Variants in SYNE1 observed in about 807,000 individuals in gnomAD.
The protein encoded by SYNE1 is spectrin repeat containing nuclear envelope protein 1.
SYNE1 carries 616 observed loss-of-function variants against 1,111.0 expected under a neutral mutation model. The observed-to-expected ratio is 0.55, with a 90% CI of 0.52 to 0.59. SYNE1 has a LOEUF of 0.59. Ranked by LOEUF, SYNE1 falls within the 20% of genes least tolerant of loss-of-function variation. The probability of loss-of-function intolerance (pLI) is 0.00; values close to 1 mark genes in which losing one functional copy is unlikely to be tolerated. For synonymous variants in SYNE1, 3,855 were observed against 3,825.8 expected (o/e 1.01, Z -0.28); for missense variants, 10,006 against 10,417.0 (o/e 0.96, Z 1.72).
intron 14 of SYNE1, among the ~76,000 whole-genome samples, chr6:152,476,505 C>T (rs1222904598): frequency 6.6e-6 from 1 of 152,114 alleles, no homozygotes; most frequent in African/African-American, 2.4e-5. Context: ...GGTACCCTGG[C>T]TTCTGGTCTC....
At chr6:152,416,339 C>G (rs2098154217) in intron 41 of SYNE1, 48 bp downstream of exon 41, 2 of 1,608,988 alleles carry the variant, frequency 1.2e-6, no homozygotes, top group East Asian at 2.2e-5. Context: ...AATTCCAGAA[C>G]AAATACAAAA....
intron 70 of SYNE1, 73 bp downstream of exon 70, chr6:152,351,954 G>T: frequency 7.0e-7 from 1 of 1,432,140 alleles, no homozygotes; most frequent in East Asian, 2.3e-5. Context: ...GTGACACCCA[G>T]CAAGAATCAC....
intron 6 of SYNE1, among the ~76,000 whole-genome samples, chr6:152,516,745 ATTTGTTTG>A (rs200401178): frequency 3.3e-5 from 5 of 151,688 alleles, no homozygotes; most frequent in Admixed American, 2.6e-4. Flanking sequence ...CATCTGGCTA[ATTTGTTTG>A]TTTGTTTGTT....
Position 152,362,267 on chromosome 6 carries a change from A to G in SYNE1, c.10202T>C (p.Phe3401Ser). Residue 3401 changes from phenylalanine to serine, a missense_variant, in exon 64 of 146, where the codon TTC becomes TCC. Phe to Ser is a radical substitution (Grantham distance 155, BLOSUM62 -2). Coordinates refer to ENST00000367255, the MANE Select transcript of SYNE1 (RefSeq NM_182961.4). The part of the protein sequence containing the change: ...WTSYQDGVRQ[F>S]SGWMDSMEAN... ...TTCCATACTATCCATCCAACCGGAG[A>G]ACTGTCGAACGCCATCCTGATAACT... 2 of 1,614,178 alleles carry G rather than the reference A, an allele frequency of 1.2e-6. No individual in the cohort carries two copies. Among genetic ancestry groups the G allele is most frequent in the Non-Finnish European group, 1.7e-6 (2 of 1,180,042 alleles).
Position 152,151,962 on chromosome 6 carries a change from G to C in SYNE1, c.24309C>G (p.Leu8103=), listed in dbSNP as rs148683298. The change falls in exon 134 of 146, where the codon CTC becomes CTG. Residue 8103 remains leucine (L), a synonymous_variant. Coordinates refer to ENST00000367255, the MANE Select transcript of SYNE1 (RefSeq NM_182961.4). ...QKRVTSILRR[L]KHFIGQREEF... is the part of the protein sequence containing the mutation. ...ACAGATGAGGCATAGCAAAAACCTT[G>C]AGTCTGCGCAAGATGGAGGTGACAC... 6 of 1,614,024 alleles carry C rather than the reference G, an allele frequency of 3.7e-6. No individual in the cohort carries two copies. The African/African-American group carries it at 8.0e-5, about 22-fold the overall frequency.
chr6:152,220,711 G>T, intron 119 of SYNE1, 131 bp downstream of exon 119: 1 of 832,682 alleles, frequency 1.2e-6, no homozygotes, highest in Non-Finnish European at 2.1e-6. Flanking sequence ...CAGGCTCTTT[G>T]ATCCTAAGAC....
Position 152,315,430 on chromosome 6 carries a change from G to A in SYNE1, c.16710+1419C>T, listed in dbSNP as rs1434251847. The A allele has an allele frequency of 2.6e-5, 4 of 152,246 alleles. No individual in the cohort carries two copies. The Middle Eastern group carries it at 0.01, about 388-fold the overall frequency. The allele number at this position is 152,246 out of a possible 1,614,324, so 9.4% of individuals were successfully genotyped here. ...TTGGCCAAGCTGGTCTTGAACTCCT[G>A]ACCTTGTGATCCACCCACCTCGGCC... On this transcript the variant is annotated intron_variant, in intron 87 of 145. Coordinates refer to ENST00000367255, the MANE Select transcript of SYNE1 (RefSeq NM_182961.4).
At chr6:152,420,856 C>T (rs976703839) in intron 39 of SYNE1, among the ~76,000 whole-genome samples, 2 of 152,140 alleles carry the variant, frequency 1.3e-5, no homozygotes, top group African/African-American at 2.4e-5. Context: ...GCAAACTACA[C>T]TTCTGTGAGC....
chr6:152,260,115 CAG>C (rs2091740796), intron 101 of SYNE1, among the ~76,000 whole-genome samples: 1 of 152,304 alleles, frequency 6.6e-6, no homozygotes, highest in Admixed American at 6.5e-5. Context: ...ACGAATCACA[CAG>C]GTGCTTTATG....
intron 75 of SYNE1, among the ~76,000 whole-genome samples, chr6:152,338,209 T>C (rs1447119594): frequency 6.6e-6 from 1 of 152,186 alleles, no homozygotes; most frequent in African/African-American, 2.4e-5. Context: ...TAAAAACAGA[T>C]TTGATAATAT....
intron 10 of SYNE1, among the ~76,000 whole-genome samples, chr6:152,501,048 C>G (rs1007794410): frequency 6.6e-6 from 1 of 151,980 alleles, no homozygotes; most frequent in Non-Finnish European, 1.5e-5. Context: ...CAGTTGAGAC[C>G]TGAACAGTGA....
At chr6:152,522,415 T>G (rs1322073450) in intron 5 of SYNE1, among the ~76,000 whole-genome samples, 2 of 152,158 alleles carry the variant, frequency 1.3e-5, no homozygotes, top group Non-Finnish European at 2.9e-5. Flanking sequence ...CTGAGTAGTA[T>G]TCCATGGTTG....
At position 152,458,849 on chromosome 6, in the gene SYNE1, A is replaced by T; in HGVS notation, c.2476T>A (p.Ser826Thr). 6.2e-7 allele frequency: 1 copy of T among 1,614,088 alleles called. No homozygotes were observed. Among genetic ancestry groups the T allele is most frequent in the East Asian group, 2.2e-5 (1 of 44,868 alleles). ...PLEELEKQMT[S>T]FYDSLGKINE... ...ATTTTCCCAAGTGAGTCATAAAAGG[A>T]CGTCATCTGCTTTTCTAATTCCTCC... The change falls in exon 22 of 146, where the codon TCC becomes ACC. Residue 826 changes from serine to threonine, a missense_variant. By Grantham distance (58) the Ser-to-Thr change is moderately conservative. Around this residue, in one of 7 missense-constraint regions of SYNE1, gnomAD observed 1,971 missense variants for 2,084.1 expected, o/e 0.95. Coordinates refer to ENST00000367255, the MANE Select transcript of SYNE1 (RefSeq NM_182961.4).
intron 11 of SYNE1, among the ~76,000 whole-genome samples, chr6:152,489,653 T>G (rs1009487016): frequency 3.9e-5 from 6 of 152,156 alleles, no homozygotes; most frequent in Admixed American, 6.5e-5. Flanking sequence ...CAAAAGCAGT[T>G]GTCTTCTGCC....
At chr6:152,162,359 T>G (rs1172220098) in intron 131 of SYNE1, among the ~76,000 whole-genome samples, 5 of 152,220 alleles carry the variant, frequency 3.3e-5, no homozygotes, top group Non-Finnish European at 7.3e-5. Context: ...CCTGTTCTCT[T>G]TGCCATTGTG....
At chr6:152,294,221 C>CCTCCG in intron 93 of SYNE1, 94 bp from the exon 94 acceptor site, 4 of 1,121,516 alleles carry the variant, frequency 3.6e-6, no homozygotes, top group South Asian at 1.7e-5. Flanking sequence ...GGAAAGGTTT[C>CCTCCG]AGATCTACAC....
At chr6:152,152,441 G>A (rs1586312034) in intron 133 of SYNE1, among the ~76,000 whole-genome samples, 2 of 151,854 alleles carry the variant, frequency 1.3e-5, no homozygotes, top group Admixed American at 6.6e-5. Context: ...ACATATACAC[G>A]TAGCTTTAAA....
intron 3 of SYNE1, among the ~76,000 whole-genome samples, chr6:152,558,123 G>T (rs1424008812): frequency 6.6e-6 from 1 of 152,006 alleles, no homozygotes; most frequent in African/African-American, 2.4e-5. Context: ...ATTGTTACCA[G>T]CTTAAAGCAG....
chr6:152,448,841 A>AAAAAC (rs1554720199), intron 28 of SYNE1, among the ~76,000 whole-genome samples: 1 of 151,600 alleles, frequency 6.6e-6, no homozygotes, highest in Non-Finnish European at 1.5e-5. Flanking sequence ...CTTGTCTCAA[A>AAAAAC]AAACAAACAA....
Sources: allele counts gnomAD v4.1 joint callset (sites outside exome capture counted in the v4.1 genomes callset), GRCh38; gene constraint gnomAD v4.1.1; regional missense constraint gnomAD v4.1.1; transcripts MANE v1.5; gene names NCBI Gene and HGNC (gene_info 2026-07-23, HGNC 2026-07-21).